SPECC1: variants seen among roughly 807,000 people sequenced by gnomAD.
SPECC1 encodes sperm antigen with calponin homology and coiled-coil domains 1.
In SPECC1, 62 loss-of-function variants were observed where a neutral mutation model predicts 104.1. The ratio of observed to expected loss-of-function variants is 0.60; its 90% CI spans 0.49 to 0.74. SPECC1 has a LOEUF of 0.74. SPECC1 is among the 30% of genes least tolerant of loss of function. SPECC1 has a pLI of 0.00. For synonymous variants in SPECC1, 513 were observed against 501.6 expected, an observed-to-expected ratio of 1.02 and a Z score of -0.30; for missense variants, 1,306 against 1,310.5, an observed-to-expected ratio of 1.00 and a Z score of 0.05.
chr17:20,192,312 A>C (rs900796764), intron 3 of SPECC1, among the ~76,000 whole-genome samples: 1 of 151,904 alleles, frequency 6.6e-6, no homozygotes, highest in Non-Finnish European at 1.5e-5. Context: ...CATTCTTTGT[A>C]TATTTTGGAT....
intron 12 of SPECC1, 138 bp downstream of exon 12, chr17:20,260,432 GC>G: frequency 1.4e-6 from 1 of 693,872 alleles, no homozygotes; most frequent in Non-Finnish European, 2.3e-6. Context: ...AGGCAGGGCT[GC>G]CAGGGAATGT....
intron 2 of SPECC1, among the ~76,000 whole-genome samples, chr17:20,102,687 G>GGTTC (rs1555607238): frequency 5.3e-5 from 8 of 152,164 alleles, no homozygotes; most frequent in Non-Finnish European, 1.2e-4. Flanking sequence ...AAGAGCCTGA[G>GGTTC]GTTCAGAGAG....
At chr17:20,298,984 G>GTGTGTGTGTGTGT (rs1395919924) in intron 13 of SPECC1, among the ~76,000 whole-genome samples, 5,402 of 74,760 alleles carry the variant, frequency 0.072, 969 homozygotes, top group South Asian at 0.11. Flanking sequence ...TGTAGAGAGA[G>GTGTGTGTGTGTGT]AGAGAGAGAG....
chr17:20,188,220 C>T (rs2035408098), intron 3 of SPECC1, among the ~76,000 whole-genome samples: 3 of 151,554 alleles, frequency 2.0e-5, no homozygotes, highest in South Asian at 2.1e-4. Context: ...TCTGAAATAA[C>T]GTGATTTTGT....
In SPECC1 at chr17:20,199,271, G is replaced by C. The variant is rs552425711; in HGVS notation, c.284-5062G>C. 2.0e-5 allele frequency among the ~76,000 whole-genome samples: 3 copies of C among 151,312 alleles called. No homozygotes were observed. In the South Asian group the frequency reaches 6.3e-4, roughly 32 times the overall value. On this transcript the variant is annotated intron_variant, in intron 3 of 14. Transcript: ENST00000395527. ...CCAGCTAATTTTTGTATTTTTAGTA[G>C]AGACAGGGTTTTGCCATGTTGGCCA... is the stretch of plus-strand genomic sequence containing the variant.
At chr17:20,231,088 TG>T (rs1416038878) in intron 5 of SPECC1, among the ~76,000 whole-genome samples, 1 of 152,162 alleles carries the variant, frequency 6.6e-6, no homozygotes, top group East Asian at 1.9e-4. Flanking sequence ...GATAGCCAGA[TG>T]GAGAGAATTG....
chr17:20,242,419 G>A (rs1485719891), intron 7 of SPECC1, among the ~76,000 whole-genome samples: 1 of 152,238 alleles, frequency 6.6e-6, no homozygotes, highest in Non-Finnish European at 1.5e-5. Flanking sequence ...TGTGCTCCAT[G>A]GAGACACTGT....
chr17:20,156,010 C>T lies in SPECC1; in HGVS notation c.283+45448C>T, dbSNP rs567593630. The T allele has an allele frequency of 8.3e-5, 107 of 1,286,790 alleles. No homozygotes were observed. In the Admixed American group the frequency reaches 1.2e-3, roughly 14 times the overall value. The allele number at this position is 1,286,790 out of a possible 1,614,324, so 79.7% of individuals were successfully genotyped here. Reference sequence around the variant, plus strand: ...GCTTGATGCAGATGAGGGGGCGGGGCCCACGGGCGCGGGAGAGCAGCGGCT... The same window carrying T: ...GCTTGATGCAGATGAGGGGGCGGGGTCCACGGGCGCGGGAGAGCAGCGGCT... On this transcript the variant is annotated intron_variant, in intron 3 of 14. Transcript: ENST00000395527.
In SPECC1 at chr17:20,177,845, G is replaced by A. The variant is rs574382358; in HGVS notation, c.284-26488G>A. 2.0e-5 allele frequency among the ~76,000 whole-genome samples: 3 copies of A among 152,130 alleles called. No individual in the cohort carries two copies. The East Asian group carries it at 5.8e-4, about 29-fold the overall frequency. On this transcript the variant is annotated intron_variant, in intron 3 of 14. Transcript: ENST00000395527. ...CTGCCTCAGCCTCCCGAGTAGCTGGGCCCACAGGCATGTGCCACCACGCCC... is the reference window on the plus strand; with the variant it reads ...CTGCCTCAGCCTCCCGAGTAGCTGGACCCACAGGCATGTGCCACCACGCCC...
At chr17:20,052,652 T>G (rs1263967248) in intron 1 of SPECC1, among the ~76,000 whole-genome samples, 1 of 151,994 alleles carries the variant, frequency 6.6e-6, no homozygotes, top group Non-Finnish European at 1.5e-5. Context: ...ATAGAGGAGG[T>G]TCTCAGGCCT....
intron 12 of SPECC1, among the ~76,000 whole-genome samples, chr17:20,272,852 A>G (rs1429325650): frequency 6.6e-6 from 1 of 152,184 alleles, no homozygotes; most frequent in African/African-American, 2.4e-5. Flanking sequence ...TTACATATGA[A>G]TTTCACTGAG....
At chr17:20,070,558 A>G (rs925584759) in intron 1 of SPECC1, among the ~76,000 whole-genome samples, 2 of 152,140 alleles carry the variant, frequency 1.3e-5, no homozygotes, top group Non-Finnish European at 2.9e-5. Flanking sequence ...TATCTATATG[A>G]CATCTATTAT....
intron 9 of SPECC1, among the ~76,000 whole-genome samples, chr17:20,251,382 G>GCAAACAT (rs1410029629): frequency 6.6e-6 from 1 of 152,120 alleles, no homozygotes; most frequent in African/African-American, 2.4e-5. Context: ...TATATCTACA[G>GCAAACAT]CAAACATCAT....
intron 12 of SPECC1, among the ~76,000 whole-genome samples, 173 bp from the exon 13 acceptor site, chr17:20,296,788 G>A (rs2041365724): frequency 6.6e-6 from 1 of 152,134 alleles, no homozygotes; most frequent in African/African-American, 2.4e-5. Context: ...TAGCATTTGT[G>A]AATGAGAGTT....
intron 1 of SPECC1, among the ~76,000 whole-genome samples, chr17:20,086,250 A>G: frequency 6.6e-6 from 1 of 151,850 alleles, no homozygotes; most frequent in Non-Finnish European, 1.5e-5. Flanking sequence ...AGGCCTCAGA[A>G]TTTTCCTGGG....
intron 1 of SPECC1, among the ~76,000 whole-genome samples, chr17:20,064,136 C>T (rs530647641): frequency 4.6e-5 from 7 of 152,254 alleles, no homozygotes; most frequent in Non-Finnish European, 8.8e-5. Context: ...GAAAAAACCA[C>T]GAAGAGACAG....
chr17:20,186,419 C>G (rs1456102207), intron 3 of SPECC1, among the ~76,000 whole-genome samples: 3 of 152,164 alleles, frequency 2.0e-5, no homozygotes, highest in Non-Finnish European at 4.4e-5. Flanking sequence ...GATAGACTTG[C>G]TCGATGCAGG....
At chr17:20,307,295 A>G (rs1318943996) in intron 14 of SPECC1, among the ~76,000 whole-genome samples, 1 of 152,224 alleles carries the variant, frequency 6.6e-6, no homozygotes, top group Admixed American at 6.5e-5. Context: ...GAACTGGTTC[A>G]CCACTCAGTA....
chr17:20,154,957 G>T (rs2032330165), intron 3 of SPECC1, among the ~76,000 whole-genome samples: 1 of 152,048 alleles, frequency 6.6e-6, no homozygotes, highest in Non-Finnish European at 1.5e-5. Context: ...GAGATGGAGA[G>T]GACTATTAAA....
Sources: allele counts gnomAD v4.1 joint callset (sites outside exome capture counted in the v4.1 genomes callset), GRCh38; gene constraint gnomAD v4.1.1; transcripts MANE v1.5; gene names NCBI Gene and HGNC (gene_info 2026-07-23, HGNC 2026-07-21).